The following GAPVD1 variants were observed in gnomAD, a reference collection of about 807,000 sequenced individuals.
GAPVD1 encodes the protein GTPase activating protein and VPS9 domains 1.
Under a neutral mutation model 155.5 loss-of-function variants are expected in GAPVD1, and 35 were observed. The ratio of observed to expected loss-of-function variants is 0.23; its 90% CI spans 0.17 to 0.30. The LOEUF (loss-of-function observed/expected upper bound fraction) is 0.30. Among genes scored for constraint, GAPVD1 ranks in the 10% least tolerant of loss-of-function variants. The probability of loss-of-function intolerance (pLI) is 1.00; values close to 1 mark genes in which losing one functional copy is unlikely to be tolerated. For missense variants in GAPVD1, 1,429 were observed against 1,775.7 expected (o/e 0.80, Z 3.51); for synonymous variants, 636 against 619.7 (o/e 1.03, Z -0.39).
intron 8 of GAPVD1, among the ~76,000 whole-genome samples, chr9:125,311,920 G>A (rs1045097098): frequency 3.3e-5 from 5 of 151,830 alleles, no homozygotes; most frequent in East Asian, 1.9e-4. Flanking sequence ...GGGTTTCACC[G>A]TGTTGCCCTG....
intron 2 of GAPVD1, among the ~76,000 whole-genome samples, chr9:125,293,756 A>G (rs1437170036): frequency 9.9e-5 from 10 of 101,456 alleles, no homozygotes; most frequent in Non-Finnish European, 1.8e-4. Context: ...TATAAAATAT[A>G]TACATTTTTA....
At position 125,325,519 on chromosome 9, in the gene GAPVD1, CAA is replaced by C. The variant is rs34510251; in HGVS notation, c.1859-878_1859-877del. On this transcript the variant is annotated intron_variant, in intron 11 of 27. Coordinates refer to ENST00000297933, the MANE Select transcript of GAPVD1 (RefSeq NM_001282680.3). ...TGGGCGACAGAGCGAGACTCCATCT[CAA>C]AAAAAAAAAAAAAAAAAAGATGATG... is the stretch of plus-strand genomic sequence containing the variant. 3.8e-4 allele frequency among the ~76,000 whole-genome samples: 35 copies of C among 93,224 alleles called. No homozygotes were observed. In the South Asian group the frequency reaches 4.1e-3, roughly 11 times the overall value. The allele number at this position is 93,224 out of a possible 152,430, so 61.2% of individuals were successfully genotyped here.
Position 125,296,637 on chromosome 9 carries a change from A to G in GAPVD1, c.-33+1063A>G, listed in dbSNP as rs540970637. The stretch of plus-strand genomic sequence containing the variant: ...CCAAAGTGCTGGGATTACAGGTGTG[A>G]GCCACTGTGCCTGGCCTTTTTTTTT... On this transcript the variant is annotated intron_variant, in intron 3 of 27. Transcript: ENST00000297933. 4.9e-5 allele frequency among the ~76,000 whole-genome samples: 7 copies of G among 143,134 alleles called. No homozygotes were observed. In the East Asian group the frequency reaches 1.2e-3, roughly 25 times the overall value. 93.9% of individuals were successfully genotyped at this position (143,134 alleles called of 152,430 possible).
chr9:125,291,241 C>T (rs1209468859), intron 2 of GAPVD1, among the ~76,000 whole-genome samples: 2 of 151,988 alleles, frequency 1.3e-5, no homozygotes, highest in Non-Finnish European at 2.9e-5. Context: ...GTGCTGTGAT[C>T]ATGCCACTGC....
chr9:125,351,137 C>G (rs1371384519), intron 23 of GAPVD1, among the ~76,000 whole-genome samples: 1 of 152,212 alleles, frequency 6.6e-6, no homozygotes, highest in African/African-American at 2.4e-5. Flanking sequence ...GTGAAAGGCA[C>G]ATCTCACATG....
intron 20 of GAPVD1, among the ~76,000 whole-genome samples, chr9:125,347,239 A>G (rs1357739002): frequency 6.6e-6 from 1 of 152,108 alleles, no homozygotes; most frequent in Non-Finnish European, 1.5e-5. Flanking sequence ...CAATGTCTAC[A>G]GCTTTGTAAT....
At chr9:125,323,720 T>G in intron 10 of GAPVD1, 78 bp from the exon 11 acceptor site, 1 of 1,396,216 alleles carries the variant, frequency 7.2e-7, no homozygotes, top group Non-Finnish European at 1.0e-6. Flanking sequence ...TTGTTAGTCT[T>G]TTATCAAGGC....
At chr9:125,328,858 C>G (rs1419886254) in intron 12 of GAPVD1, among the ~76,000 whole-genome samples, 1 of 151,948 alleles carries the variant, frequency 6.6e-6, no homozygotes, top group Non-Finnish European at 1.5e-5. Flanking sequence ...CCCTCCCGGA[C>G]GGGGCGGCTG....
chr9:125,343,012 A>G (rs1451938587), intron 19 of GAPVD1, among the ~76,000 whole-genome samples: 2 of 152,184 alleles, frequency 1.3e-5, no homozygotes, highest in Non-Finnish European at 2.9e-5. Context: ...AGTAGTGTTA[A>G]TGACCCAGTC....
chr9:125,304,815 A>G (rs568955747), intron 5 of GAPVD1, among the ~76,000 whole-genome samples: 2 of 152,320 alleles, frequency 1.3e-5, no homozygotes, highest in East Asian at 1.9e-4. Flanking sequence ...TAATGTTGAT[A>G]TCTTATGTGT....
At chr9:125,273,805 C>G (rs982068975) in intron 2 of GAPVD1, among the ~76,000 whole-genome samples, 6 of 152,066 alleles carry the variant, frequency 3.9e-5, no homozygotes, top group Admixed American at 2.6e-4. Flanking sequence ...GTGCAACAAG[C>G]TAGTGGTTTT....
At chr9:125,288,112 A>ATT (rs368994271) in intron 2 of GAPVD1, among the ~76,000 whole-genome samples, 19 of 115,320 alleles carry the variant, frequency 1.6e-4, no homozygotes, top group Non-Finnish European at 2.7e-4. Flanking sequence ...ATTTTAGTTA[A>ATT]TTTTTTTTTT....
chr9:125,273,803 A>G (rs771318871), intron 2 of GAPVD1, among the ~76,000 whole-genome samples: 4 of 152,080 alleles, frequency 2.6e-5, no homozygotes, highest in Non-Finnish European at 5.9e-5. Flanking sequence ...CGGTGCAACA[A>G]GCTAGTGGTT....
intron 27 of GAPVD1, 62 bp downstream of exon 27, chr9:125,360,787 C>T: frequency 8.4e-7 from 1 of 1,187,420 alleles, no homozygotes; most frequent in Non-Finnish European, 1.3e-6. Flanking sequence ...TGGCACAGGG[C>T]TTCACACAAC....
chr9:125,360,726 G>A lies in GAPVD1; in HGVS notation c.4242+1G>A. 6.2e-7 allele frequency: 1 copy of A among 1,612,218 alleles called. No individual in the cohort carries two copies. Among genetic ancestry groups the A allele is most frequent in the Non-Finnish European group, 8.5e-7 (1 of 1,178,550 alleles). On this transcript the variant is annotated splice_donor_variant, in intron 27 of 27. Coordinates refer to ENST00000297933, the MANE Select transcript of GAPVD1 (RefSeq NM_001282680.3). LOFTEE classifies it high-confidence loss of function. ...TGTGTTGGTGTTTGTGTTGATAAAG[G>A]TGGGCCCCTTACTACTATCAGTTAA...
chr9:125,333,850 C>G (rs1846467847), intron 15 of GAPVD1, among the ~76,000 whole-genome samples: 1 of 152,142 alleles, frequency 6.6e-6, no homozygotes, highest in South Asian at 2.1e-4. Context: ...AACCTTAACA[C>G]CATTGACATT....
At chr9:125,351,092 C>T (rs940102785) in intron 23 of GAPVD1, among the ~76,000 whole-genome samples, 4 of 152,160 alleles carry the variant, frequency 2.6e-5, no homozygotes, top group African/African-American at 9.7e-5. Context: ...CTTACAGTTC[C>T]ATGTGGCTGG....
chr9:125,274,771 A>G (rs1275150479), intron 2 of GAPVD1, among the ~76,000 whole-genome samples: 3 of 152,004 alleles, frequency 2.0e-5, no homozygotes, highest in Non-Finnish European at 4.4e-5. Context: ...CGCTTTATTC[A>G]TTTTAATTCA....
chr9:125,287,225 G>A lies in GAPVD1; in HGVS notation c.-149-8233G>A, dbSNP rs533729863. On this transcript the variant is annotated intron_variant, in intron 2 of 27. Coordinates refer to ENST00000297933, the MANE Select transcript of GAPVD1 (RefSeq NM_001282680.3). The stretch of plus-strand genomic sequence containing the variant: ...TGAGAGGGGGCCAGATATAAATATA[G>A]AAACATGACGATGAACTCAAAGTAA... Among the ~76,000 whole-genome samples, 26 of 152,120 alleles carry A rather than the reference G, an allele frequency of 1.7e-4. No homozygotes were observed. In the East Asian group the frequency reaches 5.0e-3, roughly 29 times the overall value.
Sources: allele counts gnomAD v4.1 joint callset (sites outside exome capture counted in the v4.1 genomes callset), GRCh38; gene constraint gnomAD v4.1.1; transcripts MANE v1.5; gene names NCBI Gene and HGNC (gene_info 2026-07-23, HGNC 2026-07-21).